Variants in GLIS1 observed in about 807,000 individuals in gnomAD.
GLIS1 encodes GLIS family zinc finger 1.
A neutral mutation model predicts 63.8 loss-of-function variants in GLIS1; 24 were observed. That is an observed-to-expected ratio of 0.38 (90% CI 0.27 to 0.53). The LOEUF is 0.53. Ranked by LOEUF, GLIS1 falls within the 20% of genes least tolerant of loss-of-function variation. The pLI is 0.85. For synonymous variants in GLIS1, 450 were observed against 482.5 expected, an observed-to-expected ratio of 0.93 and a Z score of 0.88; for missense variants, 1,036 against 1,074.1, an observed-to-expected ratio of 0.96 and a Z score of 0.50.
chr1:53,547,691 C>T (rs1322501372), intron 4 of GLIS1, among the ~76,000 whole-genome samples: 1 of 152,208 alleles, frequency 6.6e-6, no homozygotes, highest in Admixed American at 6.5e-5. Context: ...TTGGTATGGC[C>T]GTACATTCTG....
At chr1:53,735,950 T>G (rs1278933879) in intron 2 of GLIS1, among the ~76,000 whole-genome samples, 1 of 152,168 alleles carries the variant, frequency 6.6e-6, no homozygotes, top group Non-Finnish European at 1.5e-5. Context: ...GAGCCTTCCC[T>G]TTCTCCCTAG....
At position 53,594,233 on chromosome 1, in the gene GLIS1, G is replaced by C. The variant is rs766864383; in HGVS notation, c.1195C>G (p.Arg399Gly). The C allele has an allele frequency of 1.2e-6, 2 of 1,613,854 alleles. No individual in the cohort carries two copies. ...RHIEKSHIDQ[R>G]KGEDFTCFWA... ...AAGCAGGTGAAGTCCTCGCCCTTGCGCTGGTCGATGTGGCTCTTCTCGATG... is the reference window on the plus strand; with the variant it reads ...AAGCAGGTGAAGTCCTCGCCCTTGCCCTGGTCGATGTGGCTCTTCTCGATG... Residue 399 changes from arginine (R) to glycine (G), a missense_variant, in exon 4 of 11, where the codon CGC becomes GGC. By Grantham distance (125) the Arg-to-Gly change is moderately radical. Around this residue, in one of 3 missense-constraint regions of GLIS1, gnomAD observed 592 missense variants for 593.9 expected, o/e 1.00. Coordinates refer to ENST00000628545, the MANE Select transcript of GLIS1 (RefSeq NM_001367484.1).
intron 2 of GLIS1, among the ~76,000 whole-genome samples, chr1:53,636,440 GA>G (rs892154276): frequency 4.9e-4 from 70 of 144,068 alleles, no homozygotes; most frequent in African/African-American, 1.1e-3. Flanking sequence ...ACCCCGAAAA[GA>G]AAAAAAAAAG....
chr1:53,675,324 C>T (rs1057384660), intron 2 of GLIS1, among the ~76,000 whole-genome samples: 3 of 152,156 alleles, frequency 2.0e-5, no homozygotes, highest in Non-Finnish European at 4.4e-5. Flanking sequence ...ATTATTCCAT[C>T]TTTAGAGATG....
At chr1:53,592,935 C>T (rs1169025146) in intron 4 of GLIS1, among the ~76,000 whole-genome samples, 1 of 152,274 alleles carries the variant, frequency 6.6e-6, no homozygotes, top group South Asian at 2.1e-4. Flanking sequence ...CACCTTGCCC[C>T]AGGAGGACGG....
At chr1:53,633,331 G>T (rs1331850352) in intron 2 of GLIS1, among the ~76,000 whole-genome samples, 1 of 128,706 alleles carries the variant, frequency 7.8e-6, no homozygotes, top group African/African-American at 3.0e-5. Context: ...CGTGTGAATG[G>T]CTGAGGGGCG....
intron 4 of GLIS1, among the ~76,000 whole-genome samples, chr1:53,593,157 GT>G (rs1414902997): frequency 6.6e-6 from 1 of 152,250 alleles, no homozygotes; most frequent in Admixed American, 6.5e-5. Context: ...CCATGCTGCT[GT>G]CCTGATGGCT....
At position 53,571,726 on chromosome 1, in the gene GLIS1, G is replaced by A. The variant is rs188521451; in HGVS notation, c.1320+22382C>T. ...CAAGTAGCTGGGACTATAGGCGCCCGCCACCATGCCCGGCTAATTTTTTTT... is the reference window on the plus strand; with the variant it reads ...CAAGTAGCTGGGACTATAGGCGCCCACCACCATGCCCGGCTAATTTTTTTT... On this transcript the variant is annotated intron_variant, in intron 4 of 10. Transcript: ENST00000628545. Among the ~76,000 whole-genome samples the A allele has an allele frequency of 1.3e-3, 200 of 152,114 alleles. 1 individual carries two copies. Among genetic ancestry groups the A allele is most frequent in the Middle Eastern group, 3.4e-3 (1 of 294 alleles).
intron 4 of GLIS1, among the ~76,000 whole-genome samples, chr1:53,590,929 AGAGGCTCCGCT>A (rs1421804771): frequency 2.0e-5 from 3 of 152,204 alleles, no homozygotes. Flanking sequence ...GTGCCGGAGC[AGAGGCTCCGCT>A]GGCTAAATGT....
intron 5 of GLIS1, among the ~76,000 whole-genome samples, chr1:53,528,060 C>G (rs1192610905): frequency 1.3e-5 from 2 of 152,022 alleles, no homozygotes; most frequent in Admixed American, 6.5e-5. Flanking sequence ...GCACTGTCAG[C>G]GCTGGCTTGT....
chr1:53,654,797 C>T (rs1645946918), intron 2 of GLIS1, among the ~76,000 whole-genome samples: 1 of 152,004 alleles, frequency 6.6e-6, no homozygotes. Context: ...ATGTGAACGC[C>T]CAGCAAGCCA....
chr1:53,653,368 T>A (rs1192068088), intron 2 of GLIS1, among the ~76,000 whole-genome samples: 1 of 152,064 alleles, frequency 6.6e-6, no homozygotes. Context: ...CCCACAGTCC[T>A]CTCAGGGCCC....
intron 2 of GLIS1, among the ~76,000 whole-genome samples, chr1:53,663,939 C>G (rs1251281086): frequency 6.9e-6 from 1 of 144,646 alleles, no homozygotes; most frequent in African/African-American, 2.5e-5. Context: ...GAAAGACTAG[C>G]CGGGGGGCTC....
At chr1:53,576,732 A>G (rs1391039506) in intron 4 of GLIS1, among the ~76,000 whole-genome samples, 1 of 152,158 alleles carries the variant, frequency 6.6e-6, no homozygotes, top group African/African-American at 2.4e-5. Flanking sequence ...ATACTCGTGC[A>G]TGCATGCACA....
At chr1:53,730,845 T>C (rs142730799) in intron 2 of GLIS1, among the ~76,000 whole-genome samples, 1 of 151,192 alleles carries the variant, frequency 6.6e-6, no homozygotes, top group East Asian at 1.9e-4. Flanking sequence ...CATTCATCAT[T>C]TGACACAAAA....
intron 4 of GLIS1, among the ~76,000 whole-genome samples, chr1:53,587,365 C>T (rs956444540): frequency 5.9e-5 from 9 of 152,198 alleles, no homozygotes; most frequent in African/African-American, 2.2e-4. Context: ...AACTTGCAAG[C>T]TGACTTTGCC....
rs1390286752 is a variant in GLIS1, at chr1:53,511,498, C to T, written c.1884-1471G>A. ...TGTCATCATCCACACGTGTGGGGCC[C>T]CCGTCACTGTGAGCTCGCTGAGGAC... On this transcript the variant is annotated intron_variant, in intron 8 of 10. Transcript: ENST00000628545. This position sits in a 1 kb window ranked among gnomAD's most constrained non-coding sequence, Gnocchi z 4.2. Among the ~76,000 whole-genome samples, 2 of 152,208 alleles carry T rather than the reference C, an allele frequency of 1.3e-5. No individual in the cohort carries two copies. The highest frequency in any genetic ancestry group is 1.9e-4 in the East Asian group (1 of 5,198).
intron 2 of GLIS1, among the ~76,000 whole-genome samples, chr1:53,725,991 G>A (rs963548594): frequency 1.3e-5 from 2 of 152,214 alleles, no homozygotes; most frequent in African/African-American, 4.8e-5. Flanking sequence ...CAGCAAGTCA[G>A]AGATGCGTTC....
intron 6 of GLIS1, among the ~76,000 whole-genome samples, chr1:53,521,664 T>A (rs890483396): frequency 2.0e-5 from 3 of 152,182 alleles, no homozygotes; most frequent in Non-Finnish European, 4.4e-5. Context: ...ATGGGCACGA[T>A]GGATCAGTAT....
Sources: allele counts gnomAD v4.1 joint callset (sites outside exome capture counted in the v4.1 genomes callset), GRCh38; gene constraint gnomAD v4.1.1; regional missense constraint gnomAD v4.1.1; non-coding constraint Gnocchi (gnomAD v3.1); transcripts MANE v1.5; gene names NCBI Gene and HGNC (gene_info 2026-07-23, HGNC 2026-07-21).